Variants in TRAPPC3L observed in about 807,000 individuals in gnomAD.
TRAPPC3L encodes trafficking protein particle complex subunit 3-like protein.
TRAPPC3L carries 23 observed loss-of-function variants against 23.7 expected under a neutral mutation model. That is an observed-to-expected ratio of 0.97 (90% CI 0.70 to 1.37). The LOEUF is 1.37. Among genes scored for constraint, TRAPPC3L ranks in the 40% most tolerant of loss-of-function variants. The pLI is 0.00. For missense variants in TRAPPC3L, 212 were observed against 216.8 expected, an observed-to-expected ratio of 0.98 and a Z score of 0.14; for synonymous variants, 81 against 77.9, an observed-to-expected ratio of 1.04 and a Z score of -0.21.
intron 3 of TRAPPC3L, among the ~76,000 whole-genome samples, chr6:116,502,783 T>C (rs897889933): frequency 8.5e-5 from 13 of 152,184 alleles, no homozygotes; most frequent in African/African-American, 1.9e-4. Context: ...TGAAGCTTCA[T>C]AAGTGAAGGA....
intron 3 of TRAPPC3L, chr6:116,518,702 G>C (rs1037295869): frequency 2.0e-5 from 3 of 152,242 alleles, no homozygotes; most frequent in Non-Finnish European, 2.9e-5. Flanking sequence ...AAGTAGGTTA[G>C]CTGTAAGGAG....
At chr6:116,515,569 C>T (rs41289934) in intron 3 of TRAPPC3L, 99,747 of 1,573,878 alleles carry the variant, frequency 0.063, 3,459 homozygotes, top group Non-Finnish European at 0.071. Flanking sequence ...TTTGCTTTCA[C>T]GTGTGTACTC....
chr6:116,498,282 A>G (rs992734360), intron 4 of TRAPPC3L, among the ~76,000 whole-genome samples: 4 of 152,182 alleles, frequency 2.6e-5, no homozygotes, highest in Non-Finnish European at 5.9e-5. Flanking sequence ...CCCTTTGCCC[A>G]TAAACACTTA....
At chr6:116,500,455 T>A in intron 4 of TRAPPC3L, 26 bp downstream of exon 4, 4 of 1,528,268 alleles carry the variant, frequency 2.6e-6, no homozygotes, top group Non-Finnish European at 3.5e-6. Context: ...AGATTCTTCA[T>A]TCATTCTTCA....
At chr6:116,506,285 A>C (rs1011282924) in intron 3 of TRAPPC3L, among the ~76,000 whole-genome samples, 2 of 152,258 alleles carry the variant, frequency 1.3e-5, no homozygotes, top group African/African-American at 4.8e-5. Context: ...ACTGTTCATC[A>C]GAGAAATGCA....
At chr6:116,499,685 A>T (rs771258771) in intron 4 of TRAPPC3L, among the ~76,000 whole-genome samples, 1 of 152,096 alleles carries the variant, frequency 6.6e-6, no homozygotes, top group Non-Finnish European at 1.5e-5. Flanking sequence ...TACCTGTTAG[A>T]TTATTTTTCT....
intron 2 of TRAPPC3L, among the ~76,000 whole-genome samples, 173 bp from the exon 3 acceptor site, chr6:116,540,635 A>G (rs939544882): frequency 5.9e-5 from 9 of 152,150 alleles, no homozygotes; most frequent in East Asian, 1.9e-4. Context: ...CCCACAGACC[A>G]CAAAGCAGAG....
intron 3 of TRAPPC3L, chr6:116,516,817 T>TAA (rs1772238393): frequency 6.6e-6 from 1 of 151,790 alleles, no homozygotes; most frequent in Admixed American, 6.6e-5. Flanking sequence ...TAAAAGAAAT[T>TAA]AAAAACATTT....
At chr6:116,523,136 C>G (rs1212858382) in intron 3 of TRAPPC3L, 1 of 151,924 alleles carries the variant, frequency 6.6e-6, no homozygotes, top group Non-Finnish European at 1.5e-5. Context: ...ACAGAGCAGG[C>G]TATTCTGGGG....
intron 3 of TRAPPC3L, among the ~76,000 whole-genome samples, chr6:116,502,596 A>C (rs1332831051): frequency 6.6e-6 from 1 of 152,214 alleles, no homozygotes; most frequent in African/African-American, 2.4e-5. Flanking sequence ...GGTTGAAATG[A>C]AGGAAAAAAT....
chr6:116,514,470 A>G (rs1772183284), intron 3 of TRAPPC3L, among the ~76,000 whole-genome samples: 1 of 152,250 alleles, frequency 6.6e-6, no homozygotes, highest in Admixed American at 6.5e-5. Context: ...TATTTGAAGA[A>G]TAGCAGCATA....
intron 3 of TRAPPC3L, among the ~76,000 whole-genome samples, chr6:116,538,467 A>C: frequency 6.6e-6 from 1 of 152,206 alleles, no homozygotes; most frequent in East Asian, 1.9e-4. Context: ...TCTTCTTAAA[A>C]AAATAAGTGA....
chr6:116,541,888 A>C (rs1773486054), intron 2 of TRAPPC3L, among the ~76,000 whole-genome samples: 1 of 152,194 alleles, frequency 6.6e-6, no homozygotes, highest in Admixed American at 6.6e-5. Context: ...TTAAAAATGT[A>C]AGAGGCTCTC....
intron 3 of TRAPPC3L, among the ~76,000 whole-genome samples, chr6:116,536,409 C>T (rs1003428596): frequency 1.3e-5 from 2 of 152,102 alleles, no homozygotes; most frequent in African/African-American, 4.8e-5. Flanking sequence ...AAGAAAAAAA[C>T]TAGTGAGGGA....
chr6:116,511,293 T>C (rs1386704909), intron 3 of TRAPPC3L, among the ~76,000 whole-genome samples: 1 of 151,520 alleles, frequency 6.6e-6, no homozygotes, highest in Non-Finnish European at 1.5e-5. Context: ...ATTCATAAAA[T>C]TCTAGGTTTG....
chr6:116,539,119 A>G (rs1046308334), intron 3 of TRAPPC3L, among the ~76,000 whole-genome samples: 1 of 152,198 alleles, frequency 6.6e-6, no homozygotes, highest in Admixed American at 6.5e-5. Context: ...AATGCAACAA[A>G]ACACAACCAT....
intron 3 of TRAPPC3L, among the ~76,000 whole-genome samples, chr6:116,532,350 G>C (rs1229946122): frequency 1.3e-5 from 2 of 152,060 alleles, no homozygotes; most frequent in African/African-American, 4.8e-5. Flanking sequence ...ATCCTTCCGC[G>C]TCTTGCCTCC....
chr6:116,534,456 A>G (rs1035517779), intron 3 of TRAPPC3L, among the ~76,000 whole-genome samples: 1 of 147,488 alleles, frequency 6.8e-6, no homozygotes, highest in African/African-American at 2.5e-5. Context: ...TCAGAAGCAG[A>G]AGAAAAAAAA....
intron 2 of TRAPPC3L, among the ~76,000 whole-genome samples, chr6:116,542,082 CA>C: frequency 6.6e-6 from 1 of 152,114 alleles, no homozygotes; most frequent in Non-Finnish European, 1.5e-5. Context: ...AGCTTTTTCA[CA>C]AAACAATGCA....
Sources: gnomAD v4.1 joint callset for allele counts (sites outside exome capture counted in the v4.1 genomes callset) on GRCh38, gnomAD v4.1.1 for gene constraint, MANE v1.5 for transcripts, NCBI Gene and HGNC (gene_info 2026-07-23, HGNC 2026-07-21) for gene names.